The following RANBP17 variants were observed in gnomAD, a reference collection of about 807,000 sequenced individuals.
The protein encoded by RANBP17 is ran-binding protein 17.
A neutral mutation model predicts 141.2 loss-of-function variants in RANBP17; 158 were observed. The ratio of observed to expected loss-of-function variants is 1.12; its 90% CI spans 0.98 to 1.28. RANBP17 has a LOEUF of 1.28. RANBP17 is among the 50% of genes most tolerant of loss of function. RANBP17 has a pLI of 0.00. For synonymous variants in RANBP17, 430 were observed against 450.0 expected (o/e 0.96, Z 0.56); for missense variants, 1,438 against 1,290.7 (o/e 1.11, Z -1.75).
At chr5:171,096,222 C>T (rs765644569) in intron 14 of RANBP17, among the ~76,000 whole-genome samples, 13 of 152,174 alleles carry the variant, frequency 8.5e-5, no homozygotes, top group Non-Finnish European at 1.8e-4. Flanking sequence ...ATGTGAAACA[C>T]ATATAAAAAT....
At chr5:171,058,306 C>A (rs1251364442) in intron 14 of RANBP17, among the ~76,000 whole-genome samples, 10 of 99,394 alleles carry the variant, frequency 1.0e-4, no homozygotes, top group African/African-American at 4.0e-4. Context: ...TGCTATCCCT[C>A]CCCCCTCCCC....
At chr5:171,035,338 C>T (rs554067021) in intron 14 of RANBP17, among the ~76,000 whole-genome samples, 1 of 152,032 alleles carries the variant, frequency 6.6e-6, no homozygotes, top group South Asian at 2.1e-4. Flanking sequence ...AACATGATAC[C>T]TTAGTAATTT....
At chr5:171,165,388 G>A (rs1759622925) in intron 14 of RANBP17, among the ~76,000 whole-genome samples, 1 of 152,024 alleles carries the variant, frequency 6.6e-6, no homozygotes, top group Admixed American at 6.6e-5. Flanking sequence ...GTGTTGCCCA[G>A]GCTGGTCTCG....
intron 14 of RANBP17, among the ~76,000 whole-genome samples, chr5:171,129,228 A>C (rs1463264425): frequency 2.6e-5 from 4 of 152,214 alleles, no homozygotes; most frequent in African/African-American, 4.8e-5. Context: ...AAATTAATCA[A>C]AATGAAAATA....
intron 12 of RANBP17, among the ~76,000 whole-genome samples, chr5:170,938,198 A>G (rs894728913): frequency 1.3e-5 from 2 of 152,248 alleles, no homozygotes; most frequent in African/African-American, 4.8e-5. Context: ...AATTCGTGAC[A>G]AAGCCTTAGG....
At chr5:171,286,136 C>A (rs1344208449) in intron 25 of RANBP17, among the ~76,000 whole-genome samples, 3 of 152,202 alleles carry the variant, frequency 2.0e-5, no homozygotes, top group African/African-American at 7.2e-5. Context: ...GCAAAAGCAT[C>A]CCTTAGCTTT....
At chr5:171,217,893 G>T (rs1763313954) in intron 21 of RANBP17, among the ~76,000 whole-genome samples, 1 of 152,034 alleles carries the variant, frequency 6.6e-6, no homozygotes, top group Admixed American at 6.6e-5. Context: ...ATCTCCTTCA[G>T]TTCTGCTCTG....
At chr5:170,992,359 A>C (rs937242473) in intron 14 of RANBP17, among the ~76,000 whole-genome samples, 22 of 152,036 alleles carry the variant, frequency 1.4e-4, no homozygotes, top group African/African-American at 4.8e-4. Context: ...CAGTGTAATC[A>C]GTGTGTTATG....
At chr5:171,264,060 TCAA>T (rs1411638238) in intron 24 of RANBP17, among the ~76,000 whole-genome samples, 3 of 152,244 alleles carry the variant, frequency 2.0e-5, no homozygotes, top group Middle Eastern at 3.4e-3. Context: ...AGAACCTATC[TCAA>T]CAACAACAAA....
chr5:171,171,369 T>C, intron 16 of RANBP17, 83 bp downstream of exon 16: 2 of 787,020 alleles, frequency 2.5e-6, no homozygotes, highest in South Asian at 4.5e-5. Flanking sequence ...TCCTTGTTTA[T>C]AATTTTTGCA....
intron 20 of RANBP17, 99 bp downstream of exon 20, chr5:171,205,711 C>T (rs1417632246): frequency 2.2e-6 from 2 of 927,836 alleles, no homozygotes; most frequent in African/African-American, 3.2e-5. Context: ...GAAGAGGAAA[C>T]AAAGCTAAAT....
At chr5:171,136,364 G>A (rs752601137) in intron 14 of RANBP17, among the ~76,000 whole-genome samples, 11 of 151,674 alleles carry the variant, frequency 7.3e-5, no homozygotes, top group African/African-American at 2.4e-4. Flanking sequence ...TTATATCTAC[G>A]TATTTTATAT....
chr5:171,017,942 G>T (rs1251167763), intron 14 of RANBP17, among the ~76,000 whole-genome samples: 2 of 152,144 alleles, frequency 1.3e-5, no homozygotes, highest in African/African-American at 4.8e-5. Context: ...AAGGTGTAAG[G>T]AAGGGGTCCG....
At chr5:170,959,928 T>C (rs1393363378) in intron 13 of RANBP17, among the ~76,000 whole-genome samples, 2 of 152,204 alleles carry the variant, frequency 1.3e-5, no homozygotes, top group African/African-American at 4.8e-5. Flanking sequence ...TAAGTGGACC[T>C]GCACAGTTCA....
At chr5:171,048,569 T>C (rs1327893160) in intron 14 of RANBP17, among the ~76,000 whole-genome samples, 1 of 152,140 alleles carries the variant, frequency 6.6e-6, no homozygotes, top group Non-Finnish European at 1.5e-5. Flanking sequence ...TACAGATTAT[T>C]TTGTCACCCA....
At chr5:171,213,806 T>C (rs1027290220) in intron 21 of RANBP17, 68 bp downstream of exon 21, 7 of 1,225,030 alleles carry the variant, frequency 5.7e-6, no homozygotes, top group Non-Finnish European at 8.5e-6. Flanking sequence ...AGTCAGACTT[T>C]CTTTTTTGGT....
At chr5:171,020,029 C>A (rs578071492) in intron 14 of RANBP17, among the ~76,000 whole-genome samples, 1 of 152,278 alleles carries the variant, frequency 6.6e-6, no homozygotes, top group South Asian at 2.1e-4. Flanking sequence ...TCACTGTTTA[C>A]TGAGGAGTTA....
intron 14 of RANBP17, among the ~76,000 whole-genome samples, chr5:170,989,516 T>A (rs1166596107): frequency 6.6e-6 from 1 of 151,856 alleles, no homozygotes. Context: ...ATTTCATGAT[T>A]ATTTAAAAGT....
intron 12 of RANBP17, among the ~76,000 whole-genome samples, chr5:170,934,925 G>C (rs144156010): frequency 2.2e-3 from 333 of 152,254 alleles, no homozygotes; most frequent in African/African-American, 7.4e-3. Flanking sequence ...CATTCTCCCT[G>C]TCACTTTCAG....
Sources: gnomAD v4.1 joint callset for allele counts (sites outside exome capture counted in the v4.1 genomes callset) on GRCh38, gnomAD v4.1.1 for gene constraint, MANE v1.5 for transcripts, NCBI Gene and HGNC (gene_info 2026-07-23, HGNC 2026-07-21) for gene names.